Variants in GRIA2 observed in about 807,000 individuals in gnomAD.
GRIA2 encodes the protein glutamate ionotropic receptor AMPA type subunit 2.
GRIA2 carries 14 observed loss-of-function variants against 97.3 expected under a neutral mutation model. That is an observed-to-expected ratio of 0.14 (90% confidence interval 0.10 to 0.23). The LOEUF (loss-of-function observed/expected upper bound fraction) is 0.23, where lower values mean the gene tolerates loss of function less well. Among genes scored for constraint, GRIA2 ranks in the 10% least tolerant of loss-of-function variants. The pLI, the probability that GRIA2 is intolerant of heterozygous loss-of-function variation, is 1.00. For synonymous variants in GRIA2, 412 were observed against 387.8 expected (o/e 1.06, Z -0.73); for missense variants, 558 against 1,069.8 (o/e 0.52, Z 6.67).
At chr4:157,355,935 ATATATTAATATATATT>A (rs1560781172) in intron 12 of GRIA2, among the ~76,000 whole-genome samples, 9 of 34,114 alleles carry the variant, frequency 2.6e-4, no homozygotes, top group African/African-American at 1.2e-3. Flanking sequence ...ATATATATTT[ATATATTAATATATATT>A]TATATATTTA....
At chr4:157,363,275 T>A in intron 15 of GRIA2, 160 bp from the exon 16 acceptor site, 1 of 607,462 alleles carries the variant, frequency 1.6e-6, no homozygotes, top group Non-Finnish European at 2.6e-6. Flanking sequence ...TAATTGTGCT[T>A]TATTATTTGT....
rs553877242 is a variant in GRIA2, at chr4:157,297,257, A to G, written c.230-6295A>G. Among the ~76,000 whole-genome samples the G allele has an allele frequency of 2.0e-5, 3 of 152,238 alleles. No homozygotes were observed. The East Asian group carries it at 5.8e-4, about 29-fold the overall frequency. On this transcript the variant is annotated intron_variant, in intron 2 of 15. Coordinates refer to ENST00000264426, the MANE Select transcript of GRIA2 (RefSeq NM_001083619.3). ...CATATGCTGAGAATAAAGGAAGAGA[A>G]GTCAAGAGTGATTCTAACATTTTTT...
chr4:157,254,414 C>A (rs1017635920), intron 2 of GRIA2, among the ~76,000 whole-genome samples: 1 of 151,976 alleles, frequency 6.6e-6, no homozygotes, highest in Non-Finnish European at 1.5e-5. Flanking sequence ...ATAGAGTTAA[C>A]CCATTTAAAA....
At chr4:157,330,380 A>T (rs1748241180) in intron 6 of GRIA2, among the ~76,000 whole-genome samples, 1 of 151,910 alleles carries the variant, frequency 6.6e-6, no homozygotes, top group Non-Finnish European at 1.5e-5. Context: ...AAATTTTAGT[A>T]CTTTTTCTTT....
chr4:157,227,243 G>GT (rs553221958), intron 2 of GRIA2, among the ~76,000 whole-genome samples: 129 of 152,140 alleles, frequency 8.5e-4, no homozygotes, highest in Non-Finnish European at 1.5e-3. Context: ...AGCCTTTAAA[G>GT]TGCTAGGGAC....
intron 6 of GRIA2, among the ~76,000 whole-genome samples, chr4:157,330,859 A>T (rs1209834021): frequency 6.6e-6 from 1 of 152,010 alleles, no homozygotes; most frequent in Non-Finnish European, 1.5e-5. Context: ...GGGATTTCAC[A>T]GAACATAAAC....
At chr4:157,347,733 A>G (rs1735822709) in intron 12 of GRIA2, among the ~76,000 whole-genome samples, 1 of 152,176 alleles carries the variant, frequency 6.6e-6, no homozygotes, top group Admixed American at 6.5e-5. Context: ...CTCTATAGAG[A>G]AGAGAATAGA....
At chr4:157,356,083 T>G (rs1465903377) in intron 12 of GRIA2, among the ~76,000 whole-genome samples, 1 of 123,576 alleles carries the variant, frequency 8.1e-6, no homozygotes, top group East Asian at 2.2e-4. Flanking sequence ...ATTTATTTAT[T>G]TATATATATT....
At chr4:157,359,825 CTT>C in intron 12 of GRIA2, 69 bp from the exon 13 acceptor site, 1 of 1,384,096 alleles carries the variant, frequency 7.2e-7, no homozygotes, top group Non-Finnish European at 1.0e-6. Flanking sequence ...AGTAATACCT[CTT>C]TTTGTGTTTT....
At chr4:157,304,696 A>C (rs1458027096) in intron 3 of GRIA2, among the ~76,000 whole-genome samples, 1 of 152,208 alleles carries the variant, frequency 6.6e-6, no homozygotes, top group Non-Finnish European at 1.5e-5. Context: ...TTCCCTCAGC[A>C]GCTTGCTTCC....
intron 2 of GRIA2, among the ~76,000 whole-genome samples, chr4:157,288,126 T>A (rs1326563634): frequency 1.3e-5 from 2 of 151,300 alleles, no homozygotes; most frequent in Admixed American, 6.7e-5. Flanking sequence ...AAAGTATAAT[T>A]TTTTTTTAAT....
rs777296512 is a variant in GRIA2, at chr4:157,332,871, G to A, written c.935G>A (p.Arg312His). The change falls in exon 7 of 16, where the codon CGC becomes CAC. Residue 312 changes from arginine to histidine, a missense_variant. Coordinates refer to ENST00000264426, the MANE Select transcript of GRIA2 (RefSeq NM_001083619.3). ...GTTCAAGTGATGACTGAAGCCTTCC[G>A]CAACCTAAGGAAGCAAAGAATTGAA... The part of the protein sequence containing the change: ...DAVQVMTEAF[R>H]NLRKQRIEIS... 2.4e-5 allele frequency: 39 copies of A among 1,612,308 alleles called. No individual in the cohort carries two copies. The highest frequency in any genetic ancestry group is 3.2e-5 in the Non-Finnish European group (38 of 1,178,692).
At chr4:157,226,578 A>T (rs377638837) in intron 2 of GRIA2, among the ~76,000 whole-genome samples, 3 of 152,086 alleles carry the variant, frequency 2.0e-5, no homozygotes, top group African/African-American at 7.2e-5. Flanking sequence ...TTAGTCACAA[A>T]TTACTGAGAT....
At chr4:157,225,921 A>G (rs916745228) in intron 2 of GRIA2, among the ~76,000 whole-genome samples, 2 of 152,064 alleles carry the variant, frequency 1.3e-5, no homozygotes, top group Non-Finnish European at 2.9e-5. Flanking sequence ...GTATTTTTAC[A>G]TTATAAAAGA....
At chr4:157,349,868 T>C (rs1313075786) in intron 12 of GRIA2, among the ~76,000 whole-genome samples, 1 of 152,146 alleles carries the variant, frequency 6.6e-6, no homozygotes, top group South Asian at 2.1e-4. Context: ...AAAAGCCAAC[T>C]CTCACATTGC....
chr4:157,274,613 C>A (rs564533482), intron 2 of GRIA2, among the ~76,000 whole-genome samples: 1 of 148,970 alleles, frequency 6.7e-6, no homozygotes, highest in Admixed American at 6.8e-5. Flanking sequence ...TGAGAACATG[C>A]GGTGTTTGGC....
intron 2 of GRIA2, among the ~76,000 whole-genome samples, chr4:157,303,183 G>T (rs926375920): frequency 6.6e-6 from 1 of 152,120 alleles, no homozygotes; most frequent in Non-Finnish European, 1.5e-5. Context: ...GATTATGTAG[G>T]GAATGAGCTG....
At chr4:157,274,479 T>C (rs1282775482) in intron 2 of GRIA2, among the ~76,000 whole-genome samples, 2 of 151,814 alleles carry the variant, frequency 1.3e-5, no homozygotes, top group East Asian at 1.9e-4. Flanking sequence ...AACTTGTCAT[T>C]TAGCATTAGG....
chr4:157,257,645 A>G (rs562690489), intron 2 of GRIA2, among the ~76,000 whole-genome samples: 1 of 152,242 alleles, frequency 6.6e-6, no homozygotes, highest in Non-Finnish European at 1.5e-5. Context: ...TAATCTATTT[A>G]TGAAGATAAT....
Sources: gnomAD v4.1 joint callset for allele counts (sites outside exome capture counted in the v4.1 genomes callset) on GRCh38, gnomAD v4.1.1 for gene constraint, MANE v1.5 for transcripts, NCBI Gene and HGNC (gene_info 2026-07-23, HGNC 2026-07-21) for gene names.